The following TRIM54 variants were observed in gnomAD, a reference collection of about 807,000 sequenced individuals.
TRIM54 encodes the protein tripartite motif containing 54, also known as tripartite motif-containing protein 54.
TRIM54 carries 40 observed loss-of-function variants against 42.0 expected under a neutral mutation model. That is an observed-to-expected ratio of 0.95 (90% CI 0.74 to 1.24). TRIM54 has a LOEUF of 1.24. Ranked by LOEUF, TRIM54 falls within the 50% of genes most tolerant of loss-of-function variation. TRIM54 has a pLI of 0.00. For synonymous variants in TRIM54, 199 were observed against 194.9 expected, an observed-to-expected ratio of 1.02 and a Z score of -0.17; for missense variants, 485 against 480.3, an observed-to-expected ratio of 1.01 and a Z score of -0.09.
intron 3 of TRIM54, among the ~76,000 whole-genome samples, chr2:27,302,091 T>C (rs2148202049): frequency 6.8e-6 from 1 of 147,546 alleles, no homozygotes; most frequent in South Asian, 2.2e-4. Context: ...GAGGCGGAGG[T>C]TGCAGTGAGC....
At chr2:27,292,113 A>G (rs1678735568) in intron 1 of TRIM54, among the ~76,000 whole-genome samples, 1 of 152,170 alleles carries the variant, frequency 6.6e-6, no homozygotes, top group Non-Finnish European at 1.5e-5. Flanking sequence ...TGACTAACCA[A>G]TGCGATGAGC....
At chr2:27,286,781 A>G (rs1678573617) in intron 1 of TRIM54, among the ~76,000 whole-genome samples, 1 of 152,216 alleles carries the variant, frequency 6.6e-6, no homozygotes, top group African/African-American at 2.4e-5. Flanking sequence ...AACAAGGGGC[A>G]GTCTGAGAGA....
chr2:27,287,965 A>G (rs1678623392), intron 1 of TRIM54, among the ~76,000 whole-genome samples: 1 of 152,138 alleles, frequency 6.6e-6, no homozygotes, highest in African/African-American at 2.4e-5. Flanking sequence ...TCTTCTGCTT[A>G]TCACTCCTCC....
chr2:27,283,819 C>CACACAG (rs1347363548), intron 1 of TRIM54, among the ~76,000 whole-genome samples: 1 of 151,508 alleles, frequency 6.6e-6, no homozygotes, highest in African/African-American at 2.4e-5. Context: ...CACACACACA[C>CACACAG]ACGGCCTTGC....
At chr2:27,296,546 C>T (rs1407127425) in intron 1 of TRIM54, among the ~76,000 whole-genome samples, 1 of 152,180 alleles carries the variant, frequency 6.6e-6, no homozygotes, top group African/African-American at 2.4e-5. Context: ...CATGTGGCTG[C>T]CACTTCATGG....
In TRIM54 at chr2:27,298,829, G is replaced by C. The variant is rs369566147; in HGVS notation, c.341+90G>C. The C allele has an allele frequency of 2.1e-5, 29 of 1,374,916 alleles. No homozygotes were observed. The African/African-American group carries it at 4.1e-4, about 20-fold the overall frequency. 85.2% of individuals were successfully genotyped at this position (1,374,916 alleles called of 1,614,324 possible). ...AGAGCCAAAAGGGAGAGATTGAAAC[G>C]GTCAACCTGCCTGTTCTGTCTAGAG... On this transcript the variant is annotated intron_variant, in intron 2 of 8. Transcript: ENST00000380075.
At chr2:27,299,740 C>G (rs1172495587) in intron 3 of TRIM54, 1 of 606,910 alleles carries the variant, frequency 1.6e-6, no homozygotes, top group Non-Finnish European at 2.9e-6. Flanking sequence ...GAGTCTCGCT[C>G]TGTCGCCCAG....
chr2:27,283,264 A>G (rs541937476), intron 1 of TRIM54, among the ~76,000 whole-genome samples: 1 of 152,342 alleles, frequency 6.6e-6, no homozygotes, highest in African/African-American at 2.4e-5. Context: ...AGCATTGTGG[A>G]AAATACGGAG....
intron 3 of TRIM54, among the ~76,000 whole-genome samples, chr2:27,302,792 GA>G (rs1679071742): frequency 6.6e-6 from 1 of 152,022 alleles, no homozygotes; most frequent in African/African-American, 2.4e-5. Flanking sequence ...ACTCTGTCTC[GA>G]AAATAAAATA....
At chr2:27,302,501 A>C (rs1679063513) in intron 3 of TRIM54, among the ~76,000 whole-genome samples, 1 of 151,386 alleles carries the variant, frequency 6.6e-6, no homozygotes, top group South Asian at 2.1e-4. Context: ...AATAAAATCA[A>C]GCAGATTAAG....
chr2:27,304,752 G>C, intron 3 of TRIM54: 2 of 488,570 alleles, frequency 4.1e-6, no homozygotes, highest in South Asian at 7.7e-5. Context: ...CCCACTTAGT[G>C]GTGGAGGGCT....
At chr2:27,298,153 A>C (rs1678915217) in intron 1 of TRIM54, among the ~76,000 whole-genome samples, 1 of 152,114 alleles carries the variant, frequency 6.6e-6, no homozygotes, top group African/African-American at 2.4e-5. Context: ...CCAGGACTGC[A>C]GAGAATCTCC....
intron 4 of TRIM54, chr2:27,305,313 C>T: frequency 1.7e-6 from 1 of 585,628 alleles, no homozygotes; most frequent in Non-Finnish European, 3.0e-6. Flanking sequence ...TAATGATACA[C>T]CAGCTACCTC....
intron 1 of TRIM54, among the ~76,000 whole-genome samples, chr2:27,283,776 ACACGCGCG>A (rs1467579805): frequency 1.4e-4 from 15 of 105,450 alleles, no homozygotes; most frequent in African/African-American, 5.3e-4. Context: ...ACACACACAC[ACACGCGCG>A]CACACACACA....
chr2:27,298,615 G>A lies in TRIM54; in HGVS notation c.217G>A (p.Gly73Arg). The A allele has an allele frequency of 6.2e-7, 1 of 1,614,152 alleles. No individual in the cohort carries two copies. The highest frequency in any genetic ancestry group is 8.5e-7 in the Non-Finnish European group (1 of 1,180,014). The change falls in exon 2 of 9, where the codon GGA becomes AGA. Residue 73 changes from glycine (G) to arginine (R), a missense_variant. Physicochemically the swap from Gly to Arg is moderately radical, Grantham distance 125. Transcript: ENST00000380075. The part of the protein sequence containing the change: ...QSRGSTTVSS[G>R]GRFRCPSCRH... Reference sequence around the variant, plus strand: ...CCGGGGCTCCACCACTGTGTCTTCAGGAGGCCGTTTCCGCTGCCCATCGTG... The same window carrying A: ...CCGGGGCTCCACCACTGTGTCTTCAAGAGGCCGTTTCCGCTGCCCATCGTG...
chr2:27,294,042 TAAC>T (rs760172116), intron 1 of TRIM54, among the ~76,000 whole-genome samples: 27 of 151,896 alleles, frequency 1.8e-4, no homozygotes, highest in Non-Finnish European at 3.4e-4. Context: ...ACAACAATAA[TAAC>T]AACAACAACA....
intron 3 of TRIM54, 81 bp from the exon 4 acceptor site, chr2:27,304,878 T>C (rs1405682365): frequency 4.1e-5 from 54 of 1,321,960 alleles, no homozygotes; most frequent in Non-Finnish European, 5.6e-5. Context: ...GCCAGCCCTC[T>C]CCTAGGCAAC....
At chr2:27,297,980 CAAAA>C (rs60106105) in intron 1 of TRIM54, among the ~76,000 whole-genome samples, 9 of 56,878 alleles carry the variant, frequency 1.6e-4, no homozygotes, top group Non-Finnish European at 2.4e-4. Flanking sequence ...GAACCTGTCT[CAAAA>C]AAAAAAAAAA....
intron 3 of TRIM54, chr2:27,299,716 C>G: frequency 1.6e-6 from 1 of 610,000 alleles, no homozygotes; most frequent in Non-Finnish European, 2.9e-6. Context: ...ATCTATCTAT[C>G]ATATTTTGAG....
Sources: gnomAD v4.1 joint callset for allele counts (sites outside exome capture counted in the v4.1 genomes callset) on GRCh38, gnomAD v4.1.1 for gene constraint, MANE v1.5 for transcripts, NCBI Gene and HGNC (gene_info 2026-07-23, HGNC 2026-07-21) for gene names.